The following RAB6A variants were observed in gnomAD, a reference collection of about 807,000 sequenced individuals.
RAB6A encodes the protein ras-related protein Rab-6A.
A neutral mutation model predicts 32.3 loss-of-function variants in RAB6A; 8 were observed. The ratio of observed to expected loss-of-function variants is 0.25; its 90% CI spans 0.15 to 0.45. The LOEUF (loss-of-function observed/expected upper bound fraction) is 0.45, where lower values mean the gene tolerates loss of function less well. Ranked by LOEUF, RAB6A falls within the 20% of genes least tolerant of loss-of-function variation. The pLI is 1.00. For missense variants in RAB6A, 104 were observed against 249.4 expected (o/e 0.42, Z 3.93); for synonymous variants, 73 against 82.1 (o/e 0.89, Z 0.60).
At chr11:73,695,180 C>T (rs900351383) in intron 6 of RAB6A, among the ~76,000 whole-genome samples, 3 of 151,462 alleles carry the variant, frequency 2.0e-5, no homozygotes, top group Non-Finnish European at 4.4e-5. Flanking sequence ...CAAAGTGGGC[C>T]AAAAAAACTT....
intron 6 of RAB6A, among the ~76,000 whole-genome samples, chr11:73,688,422 C>T (rs1945494305): frequency 6.6e-6 from 1 of 152,060 alleles, no homozygotes; most frequent in Admixed American, 6.6e-5. Flanking sequence ...GGGTAGACTC[C>T]CAGGAAGAGA....
intron 6 of RAB6A, among the ~76,000 whole-genome samples, chr11:73,687,727 G>A (rs1475831651): frequency 1.3e-5 from 2 of 152,094 alleles, no homozygotes; most frequent in African/African-American, 2.4e-5. Flanking sequence ...TGTGGTGACC[G>A]ATGCCTGTAA....
intron 3 of RAB6A, among the ~76,000 whole-genome samples, chr11:73,719,343 TGTCTCTTTCCTATTGG>T (rs1219768938): frequency 6.6e-6 from 1 of 152,256 alleles, no homozygotes; most frequent in African/African-American, 2.4e-5. Flanking sequence ...AGCTAAAATG[TGTCTCTTTCCTATTGG>T]GTCTAGAATA....
intron 6 of RAB6A, among the ~76,000 whole-genome samples, chr11:73,696,655 T>C (rs112665518): frequency 6.6e-6 from 1 of 152,108 alleles, no homozygotes; most frequent in African/African-American, 2.4e-5. Flanking sequence ...GGTCTTGCTC[T>C]GTCTCCCATG....
intron 6 of RAB6A, among the ~76,000 whole-genome samples, chr11:73,693,623 T>C (rs1411402951): frequency 1.3e-5 from 2 of 150,760 alleles, no homozygotes; most frequent in Non-Finnish European, 2.9e-5. Flanking sequence ...CTGTGGCTTA[T>C]GCATATAATC....
At chr11:73,683,013 G>A (rs1157869260) in intron 6 of RAB6A, among the ~76,000 whole-genome samples, 1 of 152,022 alleles carries the variant, frequency 6.6e-6, no homozygotes, top group East Asian at 1.9e-4. Context: ...AGAATACAGG[G>A]TATGAAGGAA....
At chr11:73,758,979 G>T (rs1383681749) in intron 1 of RAB6A, among the ~76,000 whole-genome samples, 1 of 151,876 alleles carries the variant, frequency 6.6e-6, no homozygotes, top group Non-Finnish European at 1.5e-5. Context: ...CCCCCAAAAG[G>T]GAGGAGGGGA....
At chr11:73,752,894 A>G (rs1186393682) in intron 1 of RAB6A, among the ~76,000 whole-genome samples, 3 of 152,134 alleles carry the variant, frequency 2.0e-5, no homozygotes, top group Non-Finnish European at 4.4e-5. Flanking sequence ...GAAAAATCTT[A>G]TGAGAATTAA....
intron 6 of RAB6A, among the ~76,000 whole-genome samples, chr11:73,683,251 CTTTTTTTTT>C (rs34363473): frequency 1.1e-5 from 1 of 92,574 alleles, no homozygotes. Context: ...ATAGACCCAT[CTTTTTTTTT>C]TTTTTTTTTT....
intron 6 of RAB6A, among the ~76,000 whole-genome samples, chr11:73,693,099 C>T (rs994392156): frequency 1.3e-5 from 2 of 151,722 alleles, no homozygotes; most frequent in Admixed American, 6.6e-5. Flanking sequence ...ACCAGCCTAG[C>T]CAACATGGTG....
intron 1 of RAB6A, among the ~76,000 whole-genome samples, chr11:73,749,611 A>G (rs1020624068): frequency 5.3e-5 from 8 of 152,226 alleles, no homozygotes; most frequent in Non-Finnish European, 1.0e-4. Flanking sequence ...TGGGAGGCCG[A>G]GGCCAGAGGA....
At chr11:73,739,973 C>T (rs147515816) in intron 1 of RAB6A, among the ~76,000 whole-genome samples, 5,879 of 151,554 alleles carry the variant, frequency 0.039, 152 homozygotes, top group Middle Eastern at 0.058. Context: ...GCAGGAGAAT[C>T]GCTTGAACCT....
At chr11:73,759,931 A>G (rs1946815499) in intron 1 of RAB6A, 6 of 684,526 alleles carry the variant, frequency 8.8e-6, no homozygotes, top group African/African-American at 5.7e-5. Context: ...TACCCCTTTC[A>G]CCCCCAACCA....
chr11:73,748,611 A>C (rs1447346908), intron 1 of RAB6A, among the ~76,000 whole-genome samples: 1 of 152,228 alleles, frequency 6.6e-6, no homozygotes, highest in East Asian at 1.9e-4. Flanking sequence ...TAATTATTAA[A>C]GCTATGTAAC....
intron 1 of RAB6A, among the ~76,000 whole-genome samples, chr11:73,739,784 C>T (rs1006516275): frequency 6.6e-6 from 1 of 152,104 alleles, no homozygotes; most frequent in Admixed American, 6.6e-5. Context: ...AGGCCGGGCC[C>T]GGTGGCTCAT....
chr11:73,692,739 T>G (rs1245562698), intron 6 of RAB6A, among the ~76,000 whole-genome samples: 1 of 128,068 alleles, frequency 7.8e-6, no homozygotes, highest in Non-Finnish European at 1.6e-5. Context: ...GTTCAGGAGA[T>G]CAAGACCATC....
intron 1 of RAB6A, among the ~76,000 whole-genome samples, chr11:73,741,815 A>G (rs1946500182): frequency 1.3e-5 from 2 of 152,196 alleles, no homozygotes; most frequent in South Asian, 4.1e-4. Context: ...GAAATAAAAA[A>G]TTAAAACAAA....
chr11:73,760,197 G>A, intron 1 of RAB6A: 1 of 1,019,276 alleles, frequency 9.8e-7, no homozygotes, highest in Non-Finnish European at 1.4e-6. Flanking sequence ...TGGGAAAAGA[G>A]CAAGGAATAA....
At chr11:73,720,543 G>C (rs1452878933) in intron 3 of RAB6A, among the ~76,000 whole-genome samples, 1 of 152,088 alleles carries the variant, frequency 6.6e-6, no homozygotes, top group Non-Finnish European at 1.5e-5. Flanking sequence ...AAAAAATCTT[G>C]AAGTTCACAA....
Sources: allele counts gnomAD v4.1 joint callset (sites outside exome capture counted in the v4.1 genomes callset), GRCh38; gene constraint gnomAD v4.1.1; transcripts MANE v1.5; gene names NCBI Gene and HGNC (gene_info 2026-07-23, HGNC 2026-07-21).